TBC1D9: variants seen among roughly 807,000 people sequenced by gnomAD.
TBC1D9 encodes the protein TBC1 domain family member 9A.
TBC1D9 carries 63 observed loss-of-function variants against 132.0 expected under a neutral mutation model. The observed-to-expected ratio is 0.48, with a 90% CI of 0.39 to 0.59. The LOEUF (loss-of-function observed/expected upper bound fraction) is 0.59, where lower values mean the gene tolerates loss of function less well. TBC1D9 is among the 20% of genes least tolerant of loss of function. The pLI is 0.00. For synonymous variants in TBC1D9, 610 were observed against 609.9 expected, an observed-to-expected ratio of 1.00 and a Z score of 0.00; for missense variants, 1,261 against 1,592.7, an observed-to-expected ratio of 0.79 and a Z score of 3.54.
At chr4:140,642,086 AGGGGGTGTGTGCCAGGCCCTCTT>A in intron 13 of TBC1D9, 1 of 711,340 alleles carries the variant, frequency 1.4e-6, no homozygotes, top group East Asian at 2.6e-5. Flanking sequence ...GGGGCGGAGG[AGGGGGTGTGTGCCAGGCCCTCTT>A]GGTCAGCTAG....
At chr4:140,739,425 C>A (rs143171885) in intron 1 of TBC1D9, among the ~76,000 whole-genome samples, 1,730 of 152,252 alleles carry the variant, frequency 0.011, 17 homozygotes, top group South Asian at 0.024. Flanking sequence ...TAAACTCAAT[C>A]AAAAATGAGT....
chr4:140,646,318 C>T (rs558259278), intron 13 of TBC1D9, among the ~76,000 whole-genome samples: 2 of 152,300 alleles, frequency 1.3e-5, no homozygotes, highest in East Asian at 1.9e-4. Context: ...AGCTCCATCC[C>T]GGGGAAACTC....
intron 6 of TBC1D9, among the ~76,000 whole-genome samples, chr4:140,674,245 C>A (rs1456546224): frequency 5.9e-5 from 9 of 152,146 alleles, no homozygotes. Context: ...AAAACTGTTA[C>A]ATTATTCCTG....
chr4:140,662,559 T>A (rs1225283839), intron 9 of TBC1D9, among the ~76,000 whole-genome samples: 1 of 152,208 alleles, frequency 6.6e-6, no homozygotes, highest in Non-Finnish European at 1.5e-5. Context: ...TCAAAATAAG[T>A]CTGAAAACTG....
At chr4:140,681,072 G>T (rs905282087) in intron 3 of TBC1D9, among the ~76,000 whole-genome samples, 6 of 152,096 alleles carry the variant, frequency 3.9e-5, no homozygotes, top group East Asian at 1.9e-4. Context: ...GTACATTTTT[G>T]GATCCAACCA....
Position 140,708,170 on chromosome 4 carries a change from T to C in TBC1D9, c.131-6556A>G, listed in dbSNP as rs377752363. On this transcript the variant is annotated intron_variant, in intron 1 of 20. Transcript: ENST00000442267. Reference sequence around the variant, plus strand: ...CAGAATTATTTTAAGAACTAATTCATCTTTGTACCATAGTTTCCAATATTA... The same window carrying C: ...CAGAATTATTTTAAGAACTAATTCACCTTTGTACCATAGTTTCCAATATTA... Among the ~76,000 whole-genome samples, 5 of 152,300 alleles carry C rather than the reference T, an allele frequency of 3.3e-5. No individual in the cohort carries two copies. In the East Asian group the frequency reaches 5.8e-4, roughly 18 times the overall value.
intron 1 of TBC1D9, among the ~76,000 whole-genome samples, chr4:140,730,704 C>T (rs1189183397): frequency 6.6e-6 from 1 of 152,030 alleles, no homozygotes; most frequent in African/African-American, 2.4e-5. Context: ...CCAGCCTGGG[C>T]AACAGAGCAA....
rs1192928361 is a variant in TBC1D9 at position 140,755,981 on chromosome 4, G to A, written c.65C>T (p.Pro22Leu). The A allele has an allele frequency of 1.2e-6, 2 of 1,608,306 alleles. No individual in the cohort carries two copies. Among genetic ancestry groups the A allele is most frequent in the Admixed American group, 3.4e-5 (2 of 59,666 alleles). ...NALWITERANPYFILQRRKGH... is the reference protein window; with the variant it reads ...NALWITERANLYFILQRRKGH... ...CTTCCTCCGCTGCAGGATGAAGTAT[G>A]GGTTGGCCCTCTCGGTGATCCACAG... Residue 22 changes from proline (P) to leucine (L), a missense_variant, in exon 1 of 21, where the codon CCA becomes CTA. Physicochemically the swap from Pro to Leu is moderately conservative, Grantham distance 98. This residue lies in a region of TBC1D9 where 550 missense variants were observed against 699.0 expected (regional missense o/e 0.79). Coordinates refer to ENST00000442267, the MANE Select transcript of TBC1D9 (RefSeq NM_015130.3).
intron 1 of TBC1D9, among the ~76,000 whole-genome samples, chr4:140,722,038 C>T (rs1243583750): frequency 6.6e-6 from 1 of 152,170 alleles, no homozygotes; most frequent in African/African-American, 2.4e-5. Flanking sequence ...GGATTTATTC[C>T]TCCCCTGTCC....
intron 1 of TBC1D9, among the ~76,000 whole-genome samples, chr4:140,723,127 T>C (rs1480841420): frequency 6.6e-6 from 1 of 152,212 alleles, no homozygotes; most frequent in Non-Finnish European, 1.5e-5. Flanking sequence ...TTACAAACTC[T>C]AATAATGCTT....
intron 1 of TBC1D9, among the ~76,000 whole-genome samples, chr4:140,735,706 G>A (rs1250736876): frequency 6.6e-6 from 1 of 152,140 alleles, no homozygotes; most frequent in Non-Finnish European, 1.5e-5. Context: ...GCAAAACCCT[G>A]TCTTAAATAA....
intron 2 of TBC1D9, among the ~76,000 whole-genome samples, chr4:140,699,250 G>A (rs1738026309): frequency 6.6e-6 from 1 of 152,084 alleles, no homozygotes; most frequent in South Asian, 2.1e-4. Flanking sequence ...AATTTACTGT[G>A]CAAGAGAATT....
chr4:140,693,409 C>T (rs746452730), intron 2 of TBC1D9, among the ~76,000 whole-genome samples: 8 of 152,312 alleles, frequency 5.3e-5, no homozygotes, highest in Middle Eastern at 6.8e-3. Context: ...CAGACCATGT[C>T]GAGAAAGTAC....
chr4:140,712,772 GATA>G (rs1738270753), intron 1 of TBC1D9, among the ~76,000 whole-genome samples: 1 of 151,720 alleles, frequency 6.6e-6, no homozygotes, highest in Non-Finnish European at 1.5e-5. Flanking sequence ...TAGATAGATA[GATA>G]GATAGATAGA....
chr4:140,700,618 C>T (rs1018149283), intron 2 of TBC1D9, among the ~76,000 whole-genome samples: 20 of 151,680 alleles, frequency 1.3e-4, no homozygotes, highest in African/African-American at 4.4e-4. Context: ...GTCAGGAGTT[C>T]GAGACCAGCC....
Position 140,634,140 on chromosome 4 carries a change from C to T in TBC1D9, c.2554G>A (p.Asp852Asn), listed in dbSNP as rs900762462. The change falls in exon 16 of 21, where the codon GAC becomes AAC. Residue 852 changes from aspartate to asparagine, a missense_variant. Asp to Asn is a conservative substitution (Grantham distance 23). Transcript: ENST00000442267. ...CYWGGSSNALDRHDPSLPYLE... is the reference protein window; with the variant it reads ...CYWGGSSNALNRHDPSLPYLE... Reference sequence around the variant, plus strand: ...TAGGGCAGGCTGGGGTCATGCCGGTCCAGCGCGTTGCTGCTCCCGCCCCAG... The same window carrying T: ...TAGGGCAGGCTGGGGTCATGCCGGTTCAGCGCGTTGCTGCTCCCGCCCCAG... 3 of 1,613,752 alleles carry T rather than the reference C, an allele frequency of 1.9e-6. No homozygotes were observed. In the African/African-American group the frequency reaches 4.0e-5, roughly 22 times the overall value.
chr4:140,708,754 G>T (rs1490187536), intron 1 of TBC1D9, among the ~76,000 whole-genome samples: 1 of 152,200 alleles, frequency 6.6e-6, no homozygotes, highest in Non-Finnish European at 1.5e-5. Flanking sequence ...TATGAAAGGG[G>T]AATACAGGTG....
chr4:140,710,736 G>C (rs777812240), intron 1 of TBC1D9, among the ~76,000 whole-genome samples: 22 of 152,176 alleles, frequency 1.4e-4, no homozygotes, highest in Admixed American at 4.6e-4. Context: ...CTCCTGGGTG[G>C]GGGGGTGGTC....
chr4:140,720,886 C>T (rs1356934666), intron 1 of TBC1D9, among the ~76,000 whole-genome samples: 1 of 152,204 alleles, frequency 6.6e-6, no homozygotes, highest in Non-Finnish European at 1.5e-5. Context: ...GTAGGTGAGA[C>T]CACAGACCAG....
Sources: allele counts gnomAD v4.1 joint callset (sites outside exome capture counted in the v4.1 genomes callset), GRCh38; gene constraint gnomAD v4.1.1; regional missense constraint gnomAD v4.1.1; transcripts MANE v1.5; gene names NCBI Gene and HGNC (gene_info 2026-07-23, HGNC 2026-07-21).